POFUT3: variants seen among roughly 807,000 people sequenced by gnomAD.
POFUT3 encodes the protein protein O-fucosyltransferase 3, also known as GDP-fucose protein O-fucosyltransferase 3.
chr8:33,418,093 G>A, the POFUT3 span, among the ~76,000 whole-genome samples: 1 of 152,058 alleles, frequency 6.6e-6, no homozygotes, highest in Non-Finnish European at 1.5e-5. Flanking sequence ...GCACCATTTT[G>A]AGCCCCCAGC....
the POFUT3 span, among the ~76,000 whole-genome samples, chr8:33,383,442 T>C: frequency 6.6e-6 from 1 of 152,158 alleles, no homozygotes. Context: ...ACAGAGGCCC[T>C]ACTCTGAGAA....
At chr8:33,448,201 C>T in the POFUT3 span, among the ~76,000 whole-genome samples, 2 of 144,126 alleles carry the variant, frequency 1.4e-5, no homozygotes, top group South Asian at 4.5e-4. Context: ...TTTTTATTAG[C>T]CAGATATGGC....
At chr8:33,436,733 C>A in the POFUT3 span, 2 of 659,682 alleles carry the variant, frequency 3.0e-6, no homozygotes, top group Non-Finnish European at 5.4e-6. Flanking sequence ...ATCAGCAGGG[C>A]CTCCTCCTTG....
At chr8:33,362,690 G>A in the POFUT3 span, among the ~76,000 whole-genome samples, 1 of 152,052 alleles carries the variant, frequency 6.6e-6, no homozygotes, top group South Asian at 2.1e-4. Flanking sequence ...TTACATAATG[G>A]TAAAGGGATC....
chr8:33,349,329 G>T, the POFUT3 span, among the ~76,000 whole-genome samples: 1 of 152,138 alleles, frequency 6.6e-6, no homozygotes, highest in Admixed American at 6.5e-5. Context: ...GTGGCTTTTT[G>T]TTACATAGAT....
At chr8:33,338,915 A>G in the POFUT3 span, 3 of 152,204 alleles carry the variant, frequency 2.0e-5, no homozygotes, top group Non-Finnish European at 2.9e-5. Context: ...AGAGATTACT[A>G]TGGCCACTGC....
chr8:33,467,680 G>A, the POFUT3 span, among the ~76,000 whole-genome samples: 14 of 152,244 alleles, frequency 9.2e-5, no homozygotes, highest in East Asian at 7.7e-4. Flanking sequence ...ACTCTTGCAC[G>A]TGCTATGCCA....
chr8:33,468,486 G>A, the POFUT3 span, among the ~76,000 whole-genome samples: 12 of 152,098 alleles, frequency 7.9e-5, no homozygotes, highest in African/African-American at 2.9e-4. Context: ...ACACTAAAGT[G>A]CAATGTATCA....
chr8:33,405,348 T>A, the POFUT3 span, among the ~76,000 whole-genome samples: 2 of 152,148 alleles, frequency 1.3e-5, no homozygotes, highest in African/African-American at 4.8e-5. Flanking sequence ...CTACATCGTC[T>A]TAAGAACTTT....
At chr8:33,330,677 T>C in the POFUT3 span, among the ~76,000 whole-genome samples, 1 of 152,212 alleles carries the variant, frequency 6.6e-6, no homozygotes, top group Non-Finnish European at 1.5e-5. Context: ...GGGAACCACT[T>C]TGCACAGCAC....
the POFUT3 span, among the ~76,000 whole-genome samples, chr8:33,459,399 A>G: frequency 1.3e-5 from 2 of 151,974 alleles, no homozygotes; most frequent in East Asian, 3.9e-4. Flanking sequence ...TCAGTGCTTT[A>G]AGAAGCCAGG....
At chr8:33,326,143 T>C in the POFUT3 span, among the ~76,000 whole-genome samples, 5 of 152,208 alleles carry the variant, frequency 3.3e-5, no homozygotes, top group East Asian at 9.6e-4. Flanking sequence ...CCACAATATA[T>C]TTCAAGGCTG....
chr8:33,384,083 T>C, the POFUT3 span, among the ~76,000 whole-genome samples: 1 of 152,130 alleles, frequency 6.6e-6, no homozygotes, highest in Admixed American at 6.6e-5. Flanking sequence ...CAGTATCTGA[T>C]ATTGATGCAC....
chr8:33,406,569 G>C, the POFUT3 span, among the ~76,000 whole-genome samples: 1 of 151,700 alleles, frequency 6.6e-6, no homozygotes, highest in Non-Finnish European at 1.5e-5. Context: ...CCAGAGTTGG[G>C]ACCACAGGTG....
At chr8:33,420,641 A>G in the POFUT3 span, among the ~76,000 whole-genome samples, 8 of 152,202 alleles carry the variant, frequency 5.3e-5, no homozygotes, top group African/African-American at 1.9e-4. Context: ...ATCTGGGGAA[A>G]TTCATTAAAA....
the POFUT3 span, among the ~76,000 whole-genome samples, chr8:33,468,225 A>C: frequency 7.1e-6 from 1 of 140,152 alleles, no homozygotes; most frequent in African/African-American, 2.8e-5. Flanking sequence ...GGACGACAGA[A>C]TGAAACTGTG....
At chr8:33,350,306 T>C in the POFUT3 span, among the ~76,000 whole-genome samples, 3 of 152,178 alleles carry the variant, frequency 2.0e-5, no homozygotes, top group Non-Finnish European at 4.4e-5. Flanking sequence ...GTAAGAGAGA[T>C]TCATCTTGGC....
At chr8:33,325,492 A>C in the POFUT3 span, among the ~76,000 whole-genome samples, 1 of 152,116 alleles carries the variant, frequency 6.6e-6, no homozygotes, top group Admixed American at 6.6e-5. Context: ...ATGATACGTT[A>C]ATTTATTTTT....
the POFUT3 span, among the ~76,000 whole-genome samples, chr8:33,328,723 C>A: frequency 6.6e-6 from 1 of 152,242 alleles, no homozygotes; most frequent in South Asian, 2.1e-4. Flanking sequence ...GAGTCTTGTG[C>A]CCAAACATGA....
Sources: gnomAD v4.1 joint callset for allele counts (sites outside exome capture counted in the v4.1 genomes callset) on GRCh38, gnomAD v4.1.1 for gene constraint, MANE v1.5 for transcripts, NCBI Gene and HGNC (gene_info 2026-07-23, HGNC 2026-07-21) for gene names.